ZNF529: variants seen among roughly 807,000 people sequenced by gnomAD.
The protein encoded by ZNF529 is zinc finger protein 529.
A neutral mutation model predicts 10.1 loss-of-function variants in ZNF529; 11 were observed. The ratio of observed to expected loss-of-function variants is 1.09; its 90% CI spans 0.69 to 1.81. The LOEUF is 1.81. Ranked by LOEUF, ZNF529 falls within the 40% of genes most tolerant of loss-of-function variation. The probability of loss-of-function intolerance (pLI) is 0.00; values close to 1 mark genes in which losing one functional copy is unlikely to be tolerated. For missense variants in ZNF529, 624 were observed against 666.8 expected (o/e 0.94, Z 0.71); for synonymous variants, 204 against 215.7 (o/e 0.95, Z 0.47).
In ZNF529 at chr19:36,547,403, C is replaced by G. The variant is rs1211880019; in HGVS notation, c.1155G>C (p.Gln385His). 1 of 1,613,858 alleles carries G rather than the reference C, an allele frequency of 6.2e-7. No homozygotes were observed. Among genetic ancestry groups the G allele is most frequent in the African/African-American group, 1.3e-5 (1 of 74,918 alleles). Residue 385 changes from glutamine to histidine, a missense_variant, in exon 5 of 5, where the codon CAG (glutamine) becomes CAC (histidine). Gln to His is a conservative substitution (Grantham distance 24). Transcript: ENST00000591340. ...AGGGTTTCTTACCAGTATGAATTCT[C>G]TGATGACGAGCAAGTTCTCTACATA... is the stretch of plus-strand genomic sequence containing the variant. ...FGVCRELARHQRIHTGKKPYE... is the reference protein window; with the variant it reads ...FGVCRELARHHRIHTGKKPYE...
Position 36,546,885 on chromosome 19 carries a change from C to T in ZNF529, c.1673G>A (p.Gly558Asp). The T allele has an allele frequency of 6.2e-7, 1 of 1,610,106 alleles. No homozygotes were observed. The highest frequency in any genetic ancestry group is 2.2e-5 in the East Asian group (1 of 44,840). ...TTTATTTCAGTCAAATGATTTCTCA[C>T]CAGTGTAAATTTTCGGTTGGCAAGT... ...HLTCQPKIYTGEKSFD is the reference protein window; with the variant it reads ...HLTCQPKIYTDEKSFD Residue 558 changes from glycine to aspartate, a missense_variant, in exon 5 of 5, where the codon GGT becomes GAT. Transcript: ENST00000591340.
chr19:36,578,326 G>A (rs1403347808), intron 2 of ZNF529, among the ~76,000 whole-genome samples: 2 of 57,510 alleles, frequency 3.5e-5, no homozygotes, highest in Admixed American at 2.6e-4. Context: ...TTTTTTTTGA[G>A]ACGGAGTCTC....
chr19:36,576,658 A>G (rs894799860), upstream of ZNF529, among the ~76,000 whole-genome samples: 1 of 152,070 alleles, frequency 6.6e-6, no homozygotes, highest in Non-Finnish European at 1.5e-5. Context: ...CGGCGTTTGC[A>G]GTGAGCCAAG....
chr19:36,568,968 A>C (rs766494728), intron 2 of ZNF529, among the ~76,000 whole-genome samples: 6 of 152,224 alleles, frequency 3.9e-5, no homozygotes, highest in African/African-American at 7.2e-5. Context: ...GGATACTTGG[A>C]GCAAACGATT....
chr19:36,562,810 G>A (rs182507966), intron 2 of ZNF529, among the ~76,000 whole-genome samples: 83 of 146,608 alleles, frequency 5.7e-4, no homozygotes, highest in African/African-American at 1.7e-3. Context: ...CAGCCTGGGC[G>A]ACAGAGCAAC....
At chr19:36,601,298 GT>G (rs1402114645) in intron 1 of ZNF529, among the ~76,000 whole-genome samples, 2 of 151,710 alleles carry the variant, frequency 1.3e-5, no homozygotes, top group African/African-American at 4.9e-5. Context: ...TAGAAATGGA[GT>G]TTCACCATGT....
chr19:36,575,216 C>T (rs569437595), upstream of ZNF529, among the ~76,000 whole-genome samples: 13 of 152,260 alleles, frequency 8.5e-5, no homozygotes, highest in South Asian at 2.5e-3. Context: ...GACTGAAGAA[C>T]TCTGTGTGTC....
At chr19:36,583,453 T>C (rs370404946) in intron 2 of ZNF529, among the ~76,000 whole-genome samples, 3 of 152,014 alleles carry the variant, frequency 2.0e-5, no homozygotes, top group South Asian at 2.1e-4. Flanking sequence ...AAATGTAACA[T>C]GGTTTTGAAT....
At chr19:36,598,543 T>C (rs1472041895) in intron 1 of ZNF529, among the ~76,000 whole-genome samples, 2 of 151,986 alleles carry the variant, frequency 1.3e-5, no homozygotes, top group Non-Finnish European at 2.9e-5. Flanking sequence ...GGAGGTTATG[T>C]ACAGTTGCAA....
intron 2 of ZNF529, chr19:36,581,479 A>G (rs2036461783): frequency 6.6e-6 from 1 of 152,248 alleles, no homozygotes; most frequent in Non-Finnish European, 1.5e-5. Flanking sequence ...CCAGATGTTC[A>G]TCAGTGGATG....
intron 1 of ZNF529, among the ~76,000 whole-genome samples, chr19:36,601,202 G>A (rs1201287458): frequency 2.0e-5 from 3 of 147,568 alleles, no homozygotes; most frequent in Non-Finnish European, 3.0e-5. Flanking sequence ...TTTTTGAGAC[G>A]GAGTCTCGCT....
chr19:36,588,447 G>A (rs941616337), intron 2 of ZNF529, among the ~76,000 whole-genome samples: 4 of 152,142 alleles, frequency 2.6e-5, no homozygotes, highest in African/African-American at 9.7e-5. Flanking sequence ...AAGTGGATAA[G>A]TATCTCATGA....
intron 2 of ZNF529, among the ~76,000 whole-genome samples, chr19:36,566,142 T>G (rs2035889204): frequency 6.6e-6 from 1 of 152,204 alleles, no homozygotes; most frequent in Non-Finnish European, 1.5e-5. Context: ...TTTCATTAAT[T>G]TTAATGTGAT....
At chr19:36,574,049 T>C (rs374223051), upstream of ZNF529, among the ~76,000 whole-genome samples, 8 of 152,344 alleles carry the variant, frequency 5.3e-5, 1 homozygote, top group Admixed American at 5.2e-4. Flanking sequence ...ACTCAGACTC[T>C]AAAGTATTTG....
intron 1 of ZNF529, among the ~76,000 whole-genome samples, chr19:36,599,224 G>A (rs2036886883): frequency 6.6e-6 from 1 of 152,148 alleles, no homozygotes; most frequent in South Asian, 2.1e-4. Context: ...AAAGATTAAT[G>A]CTGTCTTGTG....
upstream of ZNF529, chr19:36,577,246 C>T (rs1169035973): frequency 6.8e-6 from 3 of 440,854 alleles, no homozygotes; most frequent in Non-Finnish European, 1.4e-5. Context: ...AGGTGTGAAC[C>T]ACCGTGCCCG....
At chr19:36,573,479 G>T, upstream of ZNF529, 1 of 471,014 alleles carries the variant, frequency 2.1e-6, no homozygotes, top group Non-Finnish European at 4.4e-6. Context: ...CTGCCGCTGC[G>T]CGTCCCCTAG....
chr19:36,605,494 G>C (rs2037010759), upstream of ZNF529: 1 of 152,516 alleles, frequency 6.6e-6, no homozygotes, highest in Non-Finnish European at 1.5e-5. Flanking sequence ...GAGGAAACCG[G>C]GACCGCGGTA....
chr19:36,559,817 TAAG>T (rs969029210), intron 2 of ZNF529, among the ~76,000 whole-genome samples: 26 of 151,108 alleles, frequency 1.7e-4, no homozygotes, highest in African/African-American at 5.9e-4. Context: ...TTTCAAAACT[TAAG>T]AACATTTCAA....
Sources: gnomAD v4.1 joint callset for allele counts (sites outside exome capture counted in the v4.1 genomes callset) on GRCh38, gnomAD v4.1.1 for gene constraint, MANE v1.5 for transcripts, NCBI Gene and HGNC (gene_info 2026-07-23, HGNC 2026-07-21) for gene names.